The following DIP2A variants were observed in gnomAD, a reference collection of about 807,000 sequenced individuals.
DIP2A encodes the protein disco-interacting protein 2 homolog A.
In DIP2A, 85 loss-of-function variants were observed where a neutral mutation model predicts 177.4. That is an observed-to-expected ratio of 0.48 (90% CI 0.40 to 0.57). The LOEUF (loss-of-function observed/expected upper bound fraction) is 0.57. DIP2A is among the 20% of genes least tolerant of loss of function. DIP2A has a pLI of 0.00. For missense variants in DIP2A, 1,791 were observed against 2,100.2 expected, an observed-to-expected ratio of 0.85 and a Z score of 2.88; for synonymous variants, 886 against 881.8, an observed-to-expected ratio of 1.00 and a Z score of -0.08.
chr21:46,545,285 T>C lies in DIP2A; in HGVS notation c.2313+12T>C. On this transcript the variant is annotated intron_variant, in intron 19 of 37. Coordinates refer to ENST00000417564, the MANE Select transcript of DIP2A (RefSeq NM_015151.4). ...AGAATGTGTTTGAGGTTTGTCCCTTTTCCTGACTTTCATGTTGAAGTTAAG... is the reference window on the plus strand; with the variant it reads ...AGAATGTGTTTGAGGTTTGTCCCTTCTCCTGACTTTCATGTTGAAGTTAAG... 1 of 1,584,116 alleles carries C rather than the reference T, an allele frequency of 6.3e-7. No homozygotes were observed. The highest frequency in any genetic ancestry group is 1.1e-5 in the South Asian group (1 of 89,146).
In DIP2A at chr21:46,498,806, G is replaced by T. The variant is rs776472944; in HGVS notation, c.628G>T (p.Ala210Ser). Reference sequence around the variant, plus strand: ...GGGGGCCGCCGCTACCACTGCACTCGCAGGCCTCGAGGCCCACACCCACAT... The same window carrying T: ...GGGGGCCGCCGCTACCACTGCACTCTCAGGCCTCGAGGCCCACACCCACAT... The part of the protein sequence containing the change: ...TPGAAATTAL[A>S]GLEAHTHIDL... The change falls in exon 5 of 38, where the codon GCA (alanine) becomes TCA (serine). Residue 210 changes from alanine (A) to serine (S), a missense_variant. Coordinates refer to ENST00000417564, the MANE Select transcript of DIP2A (RefSeq NM_015151.4). The surrounding 1 kb of genome is among the most constrained non-coding windows in gnomAD (Gnocchi z 4.3). The T allele has an allele frequency of 6.8e-6, 11 of 1,613,460 alleles. No homozygotes were observed. In the Admixed American group the frequency reaches 1.5e-4, roughly 22 times the overall value.
At chr21:46,561,047 C>T (rs1315298103) in intron 33 of DIP2A, 2 of 973,118 alleles carry the variant, frequency 2.1e-6, no homozygotes, top group African/African-American at 1.8e-5. Context: ...GCGCCCGTGT[C>T]CCCAGGGCTG....
chr21:46,573,987 AC>A (rs1313531213), downstream of DIP2A, among the ~76,000 whole-genome samples: 7 of 152,190 alleles, frequency 4.6e-5, no homozygotes, highest in African/African-American at 1.4e-4. Context: ...TTTAAACAGC[AC>A]AACAAACTAA....
chr21:46,551,541 G>A, intron 23 of DIP2A, 93 bp from the exon 24 acceptor site: 1 of 1,116,458 alleles, frequency 9.0e-7, no homozygotes. Context: ...CCTCATTCAA[G>A]TATGTTTTCA....
chr21:46,549,686 T>G, intron 21 of DIP2A, 85 bp from the exon 22 acceptor site: 2 of 1,572,780 alleles, frequency 1.3e-6, no homozygotes, highest in Non-Finnish European at 1.7e-6. Flanking sequence ...TAGGACAGTC[T>G]GCCTCTTCCA....
chr21:46,557,099 G>A lies in DIP2A; in HGVS notation c.3629+30G>A. 2 of 1,575,178 alleles carry A rather than the reference G, an allele frequency of 1.3e-6. No individual in the cohort carries two copies. Among genetic ancestry groups the A allele is most frequent in the Non-Finnish European group, 1.7e-6 (2 of 1,156,728 alleles). On this transcript the variant is annotated intron_variant, in intron 30 of 37. Transcript: ENST00000417564. This position sits in a 1 kb window ranked among gnomAD's most constrained non-coding sequence, Gnocchi z 6.0. ...GTGCAGGGCCCCTGCTGCCTGCCAG[G>A]TGGGAGCAGCTCGTGTGGCTCTTAG... is the stretch of plus-strand genomic sequence containing the variant.
rs766015219 is a variant in DIP2A at position 46,545,938 on chromosome 21, G to A, written c.2371G>A (p.Gly791Ser). Residue 791 changes from glycine (G) to serine (S), a missense_variant, in exon 20 of 38, where the codon GGC becomes AGC. Transcript: ENST00000417564. ...CTTTGACAGGCCATTCACCAGGACA[G>A]GCCTGCTGGGCTTCATCGGGCCTGT... ...PIFDRPFTRT[G>S]LLGFIGPDNL... 1 of 1,613,924 alleles carries A rather than the reference G, an allele frequency of 6.2e-7. No homozygotes were observed. Among genetic ancestry groups the A allele is most frequent in the East Asian group, 2.2e-5 (1 of 44,898 alleles).
At chr21:46,530,499 G>A (rs756286509) in intron 9 of DIP2A, among the ~76,000 whole-genome samples, 5 of 152,170 alleles carry the variant, frequency 3.3e-5, no homozygotes, top group Non-Finnish European at 5.9e-5. Flanking sequence ...TCTAAAAAGT[G>A]AGTATTAATA....
chr21:46,546,660 G>A (rs749380725), intron 20 of DIP2A, among the ~76,000 whole-genome samples: 1 of 152,076 alleles, frequency 6.6e-6, no homozygotes, highest in Non-Finnish European at 1.5e-5. Flanking sequence ...CACATAGCCT[G>A]CCCCTTTCCC....
Position 46,549,018 on chromosome 21 carries a change from T to C in DIP2A, c.2523-753T>C, listed in dbSNP as rs190226688. Among the ~76,000 whole-genome samples, 308 of 152,362 alleles carry C rather than the reference T, an allele frequency of 2.0e-3. 1 individual carries two copies. The highest frequency in any genetic ancestry group is 7.1e-3 in the African/African-American group (294 of 41,584). On this transcript the variant is annotated intron_variant, in intron 21 of 37. Coordinates refer to ENST00000417564, the MANE Select transcript of DIP2A (RefSeq NM_015151.4). ...AGAAGTTTTAACACACAGAGGTCCG[T>C]ACTGAAAACAGTTTTGGTCAAGATA...
Position 46,554,559 on chromosome 21 carries a change from G to T in DIP2A, c.3155-16G>T. The T allele has an allele frequency of 6.2e-7, 1 of 1,610,192 alleles. No homozygotes were observed. On this transcript the variant is annotated splice_polypyrimidine_tract_variant and intron_variant, in intron 26 of 37. Transcript: ENST00000417564. ...CTTGCGGCCGGCCTCCTCACAGCCA[G>T]TCCTTGTCTCCACAGGGGTGGACCT...
At chr21:46,532,058 A>G (rs1743434526) in intron 9 of DIP2A, 69 bp from the exon 10 acceptor site, 1 of 1,425,592 alleles carries the variant, frequency 7.0e-7, no homozygotes, top group African/African-American at 1.4e-5. Context: ...ATTTATAACT[A>G]GCTTTTAATT....
chr21:46,513,774 G>T (rs902230499), intron 8 of DIP2A, among the ~76,000 whole-genome samples: 1 of 152,046 alleles, frequency 6.6e-6, no homozygotes, highest in Non-Finnish European at 1.5e-5. Flanking sequence ...GCTCATTGGA[G>T]CATTTTGGAT....
At chr21:46,518,764 T>C (rs2058694279) in intron 8 of DIP2A, among the ~76,000 whole-genome samples, 1 of 152,084 alleles carries the variant, frequency 6.6e-6, no homozygotes, top group Admixed American at 6.5e-5. Flanking sequence ...GGCTGAGGCA[T>C]GAGAATTGCT....
chr21:46,523,280 G>T (rs1452336862), intron 8 of DIP2A, among the ~76,000 whole-genome samples: 1 of 151,794 alleles, frequency 6.6e-6, no homozygotes, highest in Non-Finnish European at 1.5e-5. Context: ...TGTCGCCCAG[G>T]CTGGAGTGCA....
At chr21:46,575,274 C>A in the DIP2A span, among the ~76,000 whole-genome samples, 2 of 152,114 alleles carry the variant, frequency 1.3e-5, no homozygotes, top group Non-Finnish European at 2.9e-5. Context: ...AAGGAAACTA[C>A]TTCAACATAA....
In DIP2A at chr21:46,534,671, G is replaced by C; in HGVS notation, c.1626G>C (p.Ala542=). 6.2e-7 allele frequency: 1 copy of C among 1,609,952 alleles called. No individual in the cohort carries two copies. Among genetic ancestry groups the C allele is most frequent in the East Asian group, 2.2e-5 (1 of 44,872 alleles). The change falls in exon 13 of 38, where the codon GCG becomes GCC. Residue 542 remains alanine, a synonymous_variant. Coordinates refer to ENST00000417564, the MANE Select transcript of DIP2A (RefSeq NM_015151.4). ...LLAQCRALTQ[A]CGYSEAETLT... is the part of the protein sequence containing the mutation. ...CACAGTGCCGGGCTCTGACCCAGGC[G>C]TGCGGGTACTCAGAAGGTAAGGGCT...
At chr21:46,481,545 G>T (rs1170827715) in intron 1 of DIP2A, among the ~76,000 whole-genome samples, 2 of 152,210 alleles carry the variant, frequency 1.3e-5, no homozygotes, top group Admixed American at 6.5e-5. Context: ...CTGTTTTCCA[G>T]AGTGGCTATA....
chr21:46,466,954 T>C (rs1211758329), intron 1 of DIP2A, among the ~76,000 whole-genome samples: 1 of 152,154 alleles, frequency 6.6e-6, no homozygotes, highest in Non-Finnish European at 1.5e-5. Flanking sequence ...TTATTTTTAG[T>C]AAAAAATATT....
Sources: allele counts gnomAD v4.1 joint callset (sites outside exome capture counted in the v4.1 genomes callset), GRCh38; gene constraint gnomAD v4.1.1; non-coding constraint Gnocchi (gnomAD v3.1); transcripts MANE v1.5; gene names NCBI Gene and HGNC (gene_info 2026-07-23, HGNC 2026-07-21).